DDX27: variants seen among roughly 807,000 people sequenced by gnomAD.
DDX27 encodes the protein probable ATP-dependent RNA helicase DDX27.
DDX27 carries 42 observed loss-of-function variants against 99.3 expected under a neutral mutation model. The ratio of observed to expected loss-of-function variants is 0.42; its 90% confidence interval spans 0.33 to 0.55. The LOEUF (loss-of-function observed/expected upper bound fraction) is 0.55, where lower values mean the gene tolerates loss of function less well. DDX27 is among the 20% of genes least tolerant of loss of function. The probability of loss-of-function intolerance (pLI) is 0.07; values close to 1 mark genes in which losing one functional copy is unlikely to be tolerated. For missense variants in DDX27, 798 were observed against 976.8 expected, an observed-to-expected ratio of 0.82 and a Z score of 2.44; for synonymous variants, 329 against 353.8, an observed-to-expected ratio of 0.93 and a Z score of 0.79.
At chr20:49,224,307 G>T (rs1979796425) in intron 4 of DDX27, among the ~76,000 whole-genome samples, 1 of 151,742 alleles carries the variant, frequency 6.6e-6, no homozygotes, top group South Asian at 2.1e-4. Context: ...CTCATTTGGG[G>T]TGACATACTC....
At chr20:49,234,006 A>C (rs114579269) in intron 11 of DDX27, 223 of 328,996 alleles carry the variant, frequency 6.8e-4, no homozygotes, top group African/African-American at 4.3e-3. Flanking sequence ...ATCGTTGCGC[A>C]GCCTCTTGCT....
rs745805781 is a variant in DDX27 at position 49,242,162 on chromosome 20, A to C, written c.2072A>C (p.Lys691Thr). 6.2e-7 allele frequency: 1 copy of C among 1,614,194 alleles called. No individual in the cohort carries two copies. ...CTAGCGAAGAGGAATCGCAGAGCCA[A>C]GCGGGCCCGAGCAATGCCCGAGGAG... ...ERLAKRNRRAKRARAMPEEEP... is the reference protein window; with the variant it reads ...ERLAKRNRRATRARAMPEEEP... Residue 691 changes from lysine (K) to threonine (T), a missense_variant, in exon 18 of 21, where the codon AAG becomes ACG. By Grantham distance (78) the Lys-to-Thr change is moderately conservative (BLOSUM62 -1). Coordinates refer to ENST00000618172, the MANE Select transcript of DDX27 (RefSeq NM_017895.8).
rs773609668 is a variant in DDX27, at chr20:49,225,189, C to G, written c.590C>G (p.Pro197Arg). 4.3e-6 allele frequency: 7 copies of G among 1,613,858 alleles called. No individual in the cohort carries two copies. Among genetic ancestry groups the G allele is most frequent in the Non-Finnish European group, 8.5e-7 (1 of 1,179,788 alleles). Residue 197 changes from proline to arginine, a missense_variant, in exon 6 of 21, where the codon CCT becomes CGT. Physicochemically the swap from Pro to Arg is moderately radical, Grantham distance 103 (BLOSUM62 -2). This residue lies in a region of DDX27 where 245 missense variants were observed against 248.8 expected (regional missense o/e 0.98). Coordinates refer to ENST00000618172, the MANE Select transcript of DDX27 (RefSeq NM_017895.8). ...TTCCAGGACATGAACCTTTCCCGCC[C>G]TCTTCTGAAGGTAGCAGCTTCTTGT... ...LSFQDMNLSR[P>R]LLKAITAMGF...
intron 6 of DDX27, 142 bp from the exon 7 acceptor site, chr20:49,226,288 A>G (rs1979883548): frequency 3.4e-6 from 2 of 580,996 alleles, no homozygotes; most frequent in Non-Finnish European, 3.0e-6. Flanking sequence ...CCTCACACAT[A>G]GTAGGCGTTC....
chr20:49,224,822 A>G (rs2146707370), intron 4 of DDX27, 123 bp from the exon 5 acceptor site: 3 of 1,025,398 alleles, frequency 2.9e-6, no homozygotes, highest in Non-Finnish European at 4.4e-6. Flanking sequence ...TCTGTGAAAC[A>G]AGGTTGACGA....
intron 9 of DDX27, among the ~76,000 whole-genome samples, chr20:49,232,188 C>G (rs1413857642): frequency 6.6e-6 from 1 of 152,086 alleles, no homozygotes; most frequent in African/African-American, 2.4e-5. Context: ...TGCCCGGCCC[C>G]AGCTCATTTT....
chr20:49,243,851 A>G lies in DDX27; in HGVS notation c.*17A>G. ...AGGAAGTAGCTGTCGTGGCCTGAAG[A>G]AATTCATGGGGGCAGCCCTTAAATC... On this transcript the variant is annotated 3_prime_UTR_variant, in exon 21 of 21. Transcript: ENST00000618172. The G allele has an allele frequency of 6.2e-7, 1 of 1,614,092 alleles. No individual in the cohort carries two copies. The highest frequency in any genetic ancestry group is 8.5e-7 in the Non-Finnish European group (1 of 1,179,994).
rs1174063139 is a variant in DDX27, at chr20:49,236,413, G to T, written c.1590G>T (p.Gly530=). The T allele has an allele frequency of 6.2e-7, 1 of 1,613,102 alleles. No homozygotes were observed. The highest frequency in any genetic ancestry group is 1.7e-5 in the Admixed American group (1 of 59,806). Residue 530 remains glycine, a synonymous_variant, in exon 14 of 21, where the codon GGG becomes GGT. Coordinates refer to ENST00000618172, the MANE Select transcript of DDX27 (RefSeq NM_017895.8). This position sits in a 1 kb window ranked among gnomAD's most constrained non-coding sequence, Gnocchi z 4.1. Reference sequence around the variant, plus strand: ...GAACAGCACGTGCTGGCAGGGCTGGGCGCTCAGTCTCTCTGGTGGGAGAAG... The same window carrying T: ...GAACAGCACGTGCTGGCAGGGCTGGTCGCTCAGTCTCTCTGGTGGGAGAAG... ...VGRTARAGRA[G]RSVSLVGEDE...
chr20:49,233,912 C>T lies in DDX27; in HGVS notation c.1273+203C>T, dbSNP rs188696683. On this transcript the variant is annotated intron_variant, in intron 11 of 20. Transcript: ENST00000618172. ...TTTGCTTTATCGCCTCACCAATCCT[C>T]TTTGTGTCCTGTTCAACTCCCAACC... 830 of 569,734 alleles carry T rather than the reference C, an allele frequency of 1.5e-3. 18 individuals are homozygous for T. The Admixed American group carries it at 0.018, about 12-fold the overall frequency. The allele number at this position is 569,734 out of a possible 1,614,324, so 35.3% of individuals were successfully genotyped here.
rs755838353 is a variant in DDX27 at position 49,239,300 on chromosome 20, G to A, written c.1859G>A (p.Ser620Asn). The A allele has an allele frequency of 8.7e-6, 14 of 1,613,750 alleles. 1 individual carries two copies. The highest frequency in any genetic ancestry group is 3.3e-4 in the Middle Eastern group (2 of 6,080). Residue 620 changes from serine (S) to asparagine (N), a missense_variant, in exon 16 of 21, where the codon AGC (serine) becomes AAC (asparagine). Ser to Asn is a conservative substitution (Grantham distance 46). Transcript: ENST00000618172. ...GCAGTGGTCCAAGAGCCCGAGAGGA[G>A]CTGGTTCCAGACCAAAGAAGAGAGG... Reference protein sequence around the residue: ...KEAVVQEPERSWFQTKEERKK... With the variant: ...KEAVVQEPERNWFQTKEERKK...
intron 15 of DDX27, 84 bp downstream of exon 15, chr20:49,239,139 T>C (rs756811311): frequency 9.2e-6 from 14 of 1,525,912 alleles, no homozygotes; most frequent in Middle Eastern, 1.7e-4. Flanking sequence ...CCTTCTGAAA[T>C]GTTTCTCCCA....
intron 7 of DDX27, 75 bp from the exon 8 acceptor site, chr20:49,228,640 T>C (rs1979985115): frequency 4.4e-6 from 6 of 1,351,166 alleles, no homozygotes; most frequent in Middle Eastern, 2.0e-4. Flanking sequence ...GTAGTTTTTC[T>C]GTGCTCTGGT....
chr20:49,239,818 T>C (rs1980420885), intron 16 of DDX27, among the ~76,000 whole-genome samples: 2 of 152,318 alleles, frequency 1.3e-5, no homozygotes, highest in South Asian at 4.1e-4. Context: ...AAACAAACTA[T>C]GTTCATCAAC....
Position 49,219,540 on chromosome 20 carries a change from A to G in DDX27, c.92A>G (p.Glu31Gly). 6.2e-7 allele frequency: 1 copy of G among 1,613,322 alleles called. No individual in the cohort carries two copies. Residue 31 changes from glutamate to glycine, a missense_variant and splice_region_variant, in exon 1 of 21, where the codon GAG becomes GGG. This residue lies in a region of DDX27 where 245 missense variants were observed against 248.8 expected (regional missense o/e 0.98). Transcript: ENST00000618172. ...TCTGACTCCGGGGACGAGGAAGAGG[A>G]GGTATGAGCACGGTTCTGGTCTTTG... ...PESDSGDEEE[E>G]GPIVLGRRQK...
chr20:49,236,557 G>C lies in DDX27; in HGVS notation c.1687+47G>C. 1 of 1,504,042 alleles carries C rather than the reference G, an allele frequency of 6.6e-7. No homozygotes were observed. Among genetic ancestry groups the C allele is most frequent in the Non-Finnish European group, 8.9e-7 (1 of 1,124,508 alleles). The allele number at this position is 1,504,042 out of a possible 1,614,324, so 93.2% of individuals were successfully genotyped here. A position where few individuals can be genotyped will look rare whatever the true frequency, so the allele number is the denominator to read the frequency against. ...AGTGCAGAATGGCTCGGTGGGCGGG[G>C]CAAGGACAGAGTGTAATGGCTGAGA... On this transcript the variant is annotated intron_variant, in intron 14 of 20. Transcript: ENST00000618172. This position sits in a 1 kb window ranked among gnomAD's most constrained non-coding sequence, Gnocchi z 4.1.
Position 49,230,305 on chromosome 20 carries a change from C to T in DDX27, c.987C>T (p.Phe329=). Residue 329 remains phenylalanine, a synonymous_variant, in exon 9 of 21, where the codon TTC becomes TTT. Transcript: ENST00000618172. ...LIDHLHNCPS[F]HLSSIEVLIL... ...ATCACCTCCACAACTGCCCTTCCTT[C>T]CACCTGAGCAGCATCGAGGTGCTCA... is the stretch of plus-strand genomic sequence containing the variant. The T allele has an allele frequency of 6.2e-7, 1 of 1,612,116 alleles. No homozygotes were observed. The highest frequency in any genetic ancestry group is 8.5e-7 in the Non-Finnish European group (1 of 1,180,012).
intron 1 of DDX27, among the ~76,000 whole-genome samples, chr20:49,220,740 C>T (rs966078761): frequency 5.3e-5 from 8 of 152,086 alleles, no homozygotes; most frequent in African/African-American, 1.9e-4. Context: ...CCCGGTCACA[C>T]CCATGATGCG....
Position 49,224,990 on chromosome 20 carries a change from A to T in DDX27, c.512A>T (p.Gln171Leu). 1 of 1,614,214 alleles carries T rather than the reference A, an allele frequency of 6.2e-7. No homozygotes were observed. Residue 171 changes from glutamine to leucine, a missense_variant and splice_region_variant, in exon 5 of 21, where the codon CAG (glutamine) becomes CTG (leucine). Gln to Leu is a moderately radical substitution (Grantham distance 113). This residue lies in a region of DDX27 where 245 missense variants were observed against 248.8 expected (regional missense o/e 0.98). Transcript: ENST00000618172. Reference sequence around the variant, plus strand: ...CGGAAGAAGAAGAAGAAGAAAGGACAGGTGAGCTTGGGGCTGCAAGACAGT... The same window carrying T: ...CGGAAGAAGAAGAAGAAGAAAGGACTGGTGAGCTTGGGGCTGCAAGACAGT... ...KDRKKKKKKG[Q>L]EAGGFFEDAS...
chr20:49,239,497 G>A (rs1400546295), intron 16 of DDX27, among the ~76,000 whole-genome samples, 159 bp downstream of exon 16: 1 of 152,120 alleles, frequency 6.6e-6, no homozygotes, highest in Non-Finnish European at 1.5e-5. Flanking sequence ...TGGGGTGTGG[G>A]GGTTGCATTA....
Sources: allele counts gnomAD v4.1 joint callset (sites outside exome capture counted in the v4.1 genomes callset), GRCh38; gene constraint gnomAD v4.1.1; regional missense constraint gnomAD v4.1.1; non-coding constraint Gnocchi (gnomAD v3.1); transcripts MANE v1.5; gene names NCBI Gene and HGNC (gene_info 2026-07-23, HGNC 2026-07-21).